Variants in SH2D1B observed in about 807,000 individuals in gnomAD.
SH2D1B encodes SH2 domain-containing protein 1B.
In SH2D1B, 11 loss-of-function variants were observed where a neutral mutation model predicts 16.3. That is an observed-to-expected ratio of 0.67 (90% CI 0.42 to 1.11). The LOEUF is 1.11. SH2D1B is among the 50% of genes most tolerant of loss of function. The pLI is 0.00. For synonymous variants in SH2D1B, 55 were observed against 56.1 expected (o/e 0.98, Z 0.09); for missense variants, 123 against 153.1 (o/e 0.80, Z 1.04).
At chr1:162,404,123 G>C (rs1408029795) in intron 1 of SH2D1B, among the ~76,000 whole-genome samples, 1 of 152,128 alleles carries the variant, frequency 6.6e-6, no homozygotes, top group East Asian at 1.9e-4. Flanking sequence ...ATCACCTAAG[G>C]TCAGGAATTC....
Position 162,399,004 on chromosome 1 carries a change from C to T in SH2D1B, c.282G>A (p.Val94=), listed in dbSNP as rs539370923. 5.3e-5 allele frequency: 85 copies of T among 1,614,096 alleles called. 1 individual carries two copies. In the South Asian group the frequency reaches 7.8e-4, roughly 15 times the overall value. The part of the protein sequence containing the change: ...SKFEKPNQGM[V]VHLLKPIKRT... Reference sequence around the variant, plus strand: ...TCTTTATTGGCTTTAAAAGGTGAACCACCATCCCCTGATTTGGTTTTTCAA... The same window carrying T: ...TCTTTATTGGCTTTAAAAGGTGAACTACCATCCCCTGATTTGGTTTTTCAA... The change falls in exon 3 of 4, where the codon GTG becomes GTA. Residue 94 remains valine (V), a synonymous_variant. Coordinates refer to ENST00000367929, the MANE Select transcript of SH2D1B (RefSeq NM_053282.5).
intron 1 of SH2D1B, among the ~76,000 whole-genome samples, chr1:162,410,142 G>T (rs1648758773): frequency 6.6e-6 from 1 of 152,180 alleles, no homozygotes; most frequent in South Asian, 2.1e-4. Context: ...ATTCTGATCA[G>T]ATTCCTCATC....
At chr1:162,407,133 C>T (rs191300589) in intron 1 of SH2D1B, among the ~76,000 whole-genome samples, 3 of 152,320 alleles carry the variant, frequency 2.0e-5, no homozygotes, top group African/African-American at 7.2e-5. Context: ...ATATTTAGCT[C>T]TGTGAAAGTC....
rs1057066714 is a variant in SH2D1B at position 162,396,089 on chromosome 1, C to G, written c.*1191G>C. The G allele has an allele frequency of 1.3e-5, 2 of 152,192 alleles. No homozygotes were observed. The highest frequency in any genetic ancestry group is 2.9e-5 in the Non-Finnish European group (2 of 68,040). The allele number at this position is 152,192 out of a possible 1,614,324, so 9.4% of individuals were successfully genotyped here. On this transcript the variant is annotated 3_prime_UTR_variant, in exon 4 of 4. Transcript: ENST00000367929. ...ATAGTAGCCATAAATTGCTGTGACC[C>G]CAAATCTCACAATGCTCCACACTTT...
At chr1:162,411,857 G>A (rs779422693) in intron 1 of SH2D1B, 26 bp downstream of exon 1, 6 of 1,613,830 alleles carry the variant, frequency 3.7e-6, no homozygotes, top group Non-Finnish European at 5.1e-6. Flanking sequence ...TACGATGTCA[G>A]ATGTGTGCAA....
In SH2D1B at chr1:162,395,623, C is replaced by A. The variant is rs1452132398; in HGVS notation, c.*1657G>T. ...ATAAAATGTTATTATTTATAGCTGA[C>A]AAAATCATTTACATAGAAAACACAA... On this transcript the variant is annotated 3_prime_UTR_variant, in exon 4 of 4. Coordinates refer to ENST00000367929, the MANE Select transcript of SH2D1B (RefSeq NM_053282.5). 1 of 152,060 alleles carries A rather than the reference C, an allele frequency of 6.6e-6. No homozygotes were observed. Among genetic ancestry groups the A allele is most frequent in the Non-Finnish European group, 1.5e-5 (1 of 68,010 alleles). 9.4% of individuals were successfully genotyped at this position (152,060 alleles called of 1,614,324 possible).
intron 1 of SH2D1B, among the ~76,000 whole-genome samples, chr1:162,411,676 C>T (rs1648798383): frequency 6.6e-6 from 1 of 152,164 alleles, no homozygotes; most frequent in African/African-American, 2.4e-5. Context: ...AGTCTGCTTG[C>T]AGGGCCTTTA....
At chr1:162,397,405 C>T in intron 3 of SH2D1B, 90 bp from the exon 4 acceptor site, 1 of 1,413,632 alleles carries the variant, frequency 7.1e-7, no homozygotes, top group Non-Finnish European at 9.9e-7. Flanking sequence ...AAGAAGACCC[C>T]TCCCCAGGCA....
Position 162,398,969 on chromosome 1 carries a change from G to A in SH2D1B, c.317C>T (p.Pro106Leu), listed in dbSNP as rs201561636. The change falls in exon 3 of 4, where the codon CCC becomes CTC. Residue 106 changes from proline (P) to leucine (L), a missense_variant. Coordinates refer to ENST00000367929, the MANE Select transcript of SH2D1B (RefSeq NM_053282.5). ...TTTCAATCCTCTCCATCTCAAGCTG[G>A]GGCTGGTTCTCTTTATTGGCTTTAA... ...HLLKPIKRTS[P>L]SLRWRGLKLE... 27 of 1,613,670 alleles carry A rather than the reference G, an allele frequency of 1.7e-5. No individual in the cohort carries two copies. The East Asian group carries it at 5.1e-4, about 31-fold the overall frequency.
intron 1 of SH2D1B, among the ~76,000 whole-genome samples, chr1:162,403,145 A>G (rs1648563433): frequency 1.3e-5 from 2 of 152,312 alleles, no homozygotes; most frequent in Admixed American, 6.5e-5. Flanking sequence ...ATGGGAATGT[A>G]AATTAGTATA....
In SH2D1B at chr1:162,396,371, T is replaced by C. The variant is rs2101855937; in HGVS notation, c.*909A>G. 1 of 152,332 alleles carries C rather than the reference T, an allele frequency of 6.6e-6. No homozygotes were observed. Among genetic ancestry groups the C allele is most frequent in the South Asian group, 2.1e-4 (1 of 4,828 alleles). The allele number at this position is 152,332 out of a possible 1,614,324, so 9.4% of individuals were successfully genotyped here. A position where few individuals can be genotyped will look rare whatever the true frequency, so the allele number is the denominator to read the frequency against. ...CAATTCAACAAACCTCCCTCAGCAATGTGCTTCCAGTCAGTTTCTATGAAC... is the reference window on the plus strand; with the variant it reads ...CAATTCAACAAACCTCCCTCAGCAACGTGCTTCCAGTCAGTTTCTATGAAC... On this transcript the variant is annotated 3_prime_UTR_variant, in exon 4 of 4. Transcript: ENST00000367929.
rs1349120671 is a variant in SH2D1B, at chr1:162,399,061, G to A, written c.225C>T (p.Val75=). The A allele has an allele frequency of 6.2e-7, 1 of 1,613,212 alleles. No individual in the cohort carries two copies. The highest frequency in any genetic ancestry group is 1.1e-5 in the South Asian group (1 of 90,874). ...IQTAEGSPKQ[V]FPSLKELISK... is the part of the protein sequence containing the mutation. ...AGATCAGTTCCTTTAGGCTTGGAAA[G>A]ACCTGTTTTGGAGAACCTTCTGCAG... The change falls in exon 3 of 4, where the codon GTC becomes GTT. Residue 75 remains valine, a synonymous_variant. Transcript: ENST00000367929.
intron 1 of SH2D1B, among the ~76,000 whole-genome samples, chr1:162,407,683 AAGGG>A (rs1648682935): frequency 6.6e-6 from 1 of 152,192 alleles, no homozygotes. Context: ...TTTGCTTGCA[AAGGG>A]TTGTATCTTG....
Position 162,411,908 on chromosome 1 carries a change from G to A in SH2D1B, c.109C>T (p.Pro37Ser). Residue 37 changes from proline to serine, a missense_variant, in exon 1 of 4, where the codon CCA becomes TCA. By Grantham distance (74) the Pro-to-Ser change is moderately conservative. Transcript: ENST00000367929. ...NFLLRDSESI[P>S]GVLCLCVSFK... ...GAGACACAGAGGCACAGGACTCCTGGTATCGACTCGCTGTCTCTTAAAAGA... is the reference window on the plus strand; with the variant it reads ...GAGACACAGAGGCACAGGACTCCTGATATCGACTCGCTGTCTCTTAAAAGA... 6.2e-7 allele frequency: 1 copy of A among 1,614,172 alleles called. No homozygotes were observed. Among genetic ancestry groups the A allele is most frequent in the Non-Finnish European group, 8.5e-7 (1 of 1,180,036 alleles).
At chr1:162,403,325 C>A (rs1185289384) in intron 1 of SH2D1B, among the ~76,000 whole-genome samples, 1 of 150,704 alleles carries the variant, frequency 6.6e-6, no homozygotes, top group Non-Finnish European at 1.5e-5. Context: ...CACGTCTCTA[C>A]TAAAAATACA....
At chr1:162,411,446 A>C (rs115177220) in intron 1 of SH2D1B, among the ~76,000 whole-genome samples, 2,055 of 152,312 alleles carry the variant, frequency 0.013, 49 homozygotes, top group African/African-American at 0.047. Context: ...AAAATGTGAA[A>C]TATGATTGTA....
At chr1:162,406,279 A>G (rs1648652493) in intron 1 of SH2D1B, among the ~76,000 whole-genome samples, 1 of 152,238 alleles carries the variant, frequency 6.6e-6, no homozygotes, top group Non-Finnish European at 1.5e-5. Context: ...ATTCCAAATT[A>G]CACTGAGTCC....
At position 162,396,727 on chromosome 1, in the gene SH2D1B, A is replaced by T. The variant is rs867087837; in HGVS notation, c.*553T>A. 1 of 153,538 alleles carries T rather than the reference A, an allele frequency of 6.5e-6. No homozygotes were observed. The highest frequency in any genetic ancestry group is 2.0e-4 in the South Asian group (1 of 4,898). 9.5% of individuals were successfully genotyped at this position (153,538 alleles called of 1,614,324 possible). A position where few individuals can be genotyped will look rare whatever the true frequency, so the allele number is the denominator to read the frequency against. ...TCCAGCAGGTACAGAGAAGGTGCTG[A>T]TCTGTATGCATCTCCATCACTCCCG... is the stretch of plus-strand genomic sequence containing the variant. On this transcript the variant is annotated 3_prime_UTR_variant, in exon 4 of 4. Transcript: ENST00000367929.
intron 2 of SH2D1B, among the ~76,000 whole-genome samples, chr1:162,400,377 C>T (rs1437381438): frequency 1.3e-5 from 2 of 148,686 alleles, no homozygotes; most frequent in African/African-American, 2.5e-5. Context: ...CTGCAAGTTC[C>T]GCCTCCCGGG....
Sources: gnomAD v4.1 joint callset for allele counts (sites outside exome capture counted in the v4.1 genomes callset) on GRCh38, gnomAD v4.1.1 for gene constraint, MANE v1.5 for transcripts, NCBI Gene and HGNC (gene_info 2026-07-23, HGNC 2026-07-21) for gene names.